Variants in PRKCH observed in about 807,000 individuals in gnomAD.
PRKCH encodes the protein protein kinase C eta.
Under a neutral mutation model 82.5 loss-of-function variants are expected in PRKCH, and 28 were observed. That is an observed-to-expected ratio of 0.34 (90% confidence interval 0.25 to 0.47). The LOEUF is 0.47. PRKCH is among the 20% of genes least tolerant of loss of function. PRKCH has a pLI of 1.00. For synonymous variants in PRKCH, 322 were observed against 327.4 expected, an observed-to-expected ratio of 0.98 and a Z score of 0.18; for missense variants, 705 against 881.8, an observed-to-expected ratio of 0.80 and a Z score of 2.54.
At chr14:61,433,513 A>T (rs945372994) in intron 2 of PRKCH, among the ~76,000 whole-genome samples, 3 of 152,182 alleles carry the variant, frequency 2.0e-5, no homozygotes, top group Admixed American at 2.0e-4. Context: ...AGGAAGGAAG[A>T]TCAACCTGGG....
At chr14:61,402,081 C>T (rs900489492) in intron 2 of PRKCH, among the ~76,000 whole-genome samples, 2 of 152,176 alleles carry the variant, frequency 1.3e-5, no homozygotes, top group African/African-American at 2.4e-5. Flanking sequence ...CTTCCCAGTA[C>T]TTATTCTTTT....
intron 1 of PRKCH, among the ~76,000 whole-genome samples, chr14:61,307,702 T>G (rs893706617): frequency 6.6e-6 from 1 of 152,244 alleles, no homozygotes; most frequent in Non-Finnish European, 1.5e-5. Context: ...TTGTTTTTTA[T>G]CATAAAACAT....
chr14:61,415,173 A>G (rs1302469960), intron 2 of PRKCH, among the ~76,000 whole-genome samples: 3 of 151,916 alleles, frequency 2.0e-5, no homozygotes, highest in African/African-American at 7.3e-5. Context: ...GAACACACAC[A>G]TTTTCCCCAC....
chr14:61,460,107 A>C (rs926949930), intron 9 of PRKCH, among the ~76,000 whole-genome samples: 2 of 152,316 alleles, frequency 1.3e-5, no homozygotes, highest in Middle Eastern at 6.8e-3. Flanking sequence ...TCAGTCACTC[A>C]AAGTTCTGGG....
chr14:61,322,646 G>T (rs1389353817), intron 1 of PRKCH, 182 bp downstream of exon 1: 5 of 799,854 alleles, frequency 6.3e-6, no homozygotes, highest in East Asian at 2.8e-5. Context: ...GTGTGCAGGC[G>T]CAGGTGTGTC....
chr14:61,284,645 A>C (rs1030915009), intron 1 of PRKCH, among the ~76,000 whole-genome samples: 4 of 152,186 alleles, frequency 2.6e-5, no homozygotes, highest in African/African-American at 9.7e-5. Flanking sequence ...CATTTCTCTC[A>C]TTTTATTACA....
intron 2 of PRKCH, among the ~76,000 whole-genome samples, chr14:61,422,628 C>T (rs548683402): frequency 6.6e-6 from 1 of 152,184 alleles, no homozygotes; most frequent in African/African-American, 2.4e-5. Context: ...CCACAGCACC[C>T]TGGACATGCA....
At chr14:61,472,155 A>C (rs1052760899) in intron 9 of PRKCH, among the ~76,000 whole-genome samples, 1 of 152,208 alleles carries the variant, frequency 6.6e-6, no homozygotes, top group African/African-American at 2.4e-5. Flanking sequence ...GGCAGCTCTC[A>C]ACAGTGAAGC....
At chr14:61,377,198 T>C (rs1467229004) in intron 1 of PRKCH, among the ~76,000 whole-genome samples, 1 of 152,236 alleles carries the variant, frequency 6.6e-6, no homozygotes, top group African/African-American at 2.4e-5. Flanking sequence ...GATGCTAAAC[T>C]TGGGGACTCC....
chr14:61,419,931 T>G (rs1249026062), intron 2 of PRKCH, among the ~76,000 whole-genome samples: 1 of 152,224 alleles, frequency 6.6e-6, no homozygotes, highest in African/African-American at 2.4e-5. Flanking sequence ...TTTGCCCTGT[T>G]TTGCCAGAGA....
At chr14:61,294,415 T>A (rs1411654099) in intron 1 of PRKCH, among the ~76,000 whole-genome samples, 1 of 152,098 alleles carries the variant, frequency 6.6e-6, no homozygotes, top group East Asian at 1.9e-4. Context: ...CCTCCATGCC[T>A]GACGTTGAAG....
At chr14:61,189,043 A>C (rs1237736557) in intron 1 of PRKCH, among the ~76,000 whole-genome samples, 4 of 152,158 alleles carry the variant, frequency 2.6e-5, no homozygotes, top group African/African-American at 9.7e-5. Context: ...AACAGAAAAA[A>C]GCAATAGTAC....
intron 10 of PRKCH, among the ~76,000 whole-genome samples, chr14:61,496,013 G>A (rs192316690): frequency 6.6e-6 from 1 of 152,326 alleles, no homozygotes; most frequent in East Asian, 1.9e-4. Flanking sequence ...GCAGCTCCAT[G>A]TGAATATCTG....
At chr14:61,362,483 A>C (rs900754351) in intron 1 of PRKCH, among the ~76,000 whole-genome samples, 1 of 152,244 alleles carries the variant, frequency 6.6e-6, no homozygotes, top group African/African-American at 2.4e-5. Context: ...TACTGATTAC[A>C]GTGCAGTCTG....
At chr14:61,342,285 A>G (rs1047694942) in intron 1 of PRKCH, among the ~76,000 whole-genome samples, 1 of 152,058 alleles carries the variant, frequency 6.6e-6, no homozygotes, top group African/African-American at 2.4e-5. Context: ...ATATAATATG[A>G]TCAACCTAAC....
intron 12 of PRKCH, among the ~76,000 whole-genome samples, chr14:61,538,070 C>G (rs1190287048): frequency 6.6e-6 from 1 of 152,190 alleles, no homozygotes; most frequent in Non-Finnish European, 1.5e-5. Context: ...TTCAAGGAAG[C>G]CAGCAAAGGT....
intron 10 of PRKCH, among the ~76,000 whole-genome samples, chr14:61,505,395 C>CTTTTTCTTT (rs1887099057): frequency 5.4e-5 from 3 of 55,738 alleles, no homozygotes; most frequent in African/African-American, 6.5e-5. Context: ...CTTTTCTTTT[C>CTTTTTCTTT]TTTTTTTTTT....
chr14:61,280,845 G>A lies in PRKCH; in HGVS notation c.-19+93177G>A, dbSNP rs768045964. On this transcript the variant is annotated intron_variant, in intron 1 of 3. Transcript: ENST00000555185. The surrounding 1 kb of genome is among the most constrained non-coding windows in gnomAD (Gnocchi z 5.0). ...GGTACACTGGGCCCTGGAAGAGCTC[G>A]GGCAGCGAGAAGTACCAGGCGCACG... The A allele has an allele frequency of 6.4e-7, 1 of 1,565,774 alleles. No individual in the cohort carries two copies. Among genetic ancestry groups the A allele is most frequent in the Non-Finnish European group, 8.6e-7 (1 of 1,164,068 alleles).
chr14:61,274,107 C>T (rs780351622), intron 1 of PRKCH, among the ~76,000 whole-genome samples: 1 of 152,084 alleles, frequency 6.6e-6, no homozygotes, highest in Non-Finnish European at 1.5e-5. Context: ...AAGGATAGGG[C>T]ATGGGAGAGG....
Sources: allele counts gnomAD v4.1 joint callset (sites outside exome capture counted in the v4.1 genomes callset), GRCh38; gene constraint gnomAD v4.1.1; non-coding constraint Gnocchi (gnomAD v3.1); transcripts MANE v1.5; gene names NCBI Gene and HGNC (gene_info 2026-07-23, HGNC 2026-07-21).